NWD1: variants seen among roughly 807,000 people sequenced by gnomAD.
The protein encoded by NWD1 is NACHT and WD repeat domain containing 1, also known as NACHT domain- and WD repeat-containing protein 1.
Under a neutral mutation model 135.1 loss-of-function variants are expected in NWD1, and 129 were observed. The ratio of observed to expected loss-of-function variants is 0.96; its 90% CI spans 0.83 to 1.11. The LOEUF is 1.11. Ranked by LOEUF, NWD1 falls within the 50% of genes least tolerant of loss-of-function variation. The pLI, the probability that NWD1 is intolerant of heterozygous loss-of-function variation, is 0.00. For missense variants in NWD1, 1,740 were observed against 1,851.3 expected, an observed-to-expected ratio of 0.94 and a Z score of 1.10; for synonymous variants, 773 against 786.0, an observed-to-expected ratio of 0.98 and a Z score of 0.28.
intron 6 of NWD1, among the ~76,000 whole-genome samples, chr19:16,753,833 C>A (rs965188664): frequency 2.4e-5 from 3 of 125,502 alleles, no homozygotes. Flanking sequence ...TCTCTATCAT[C>A]CATCCATCCA....
At chr19:16,746,784 G>A (rs2122785881) in intron 5 of NWD1, among the ~76,000 whole-genome samples, 1 of 152,072 alleles carries the variant, frequency 6.6e-6, no homozygotes, top group East Asian at 1.9e-4. Flanking sequence ...AAAAGAAAAT[G>A]TTATTACAAA....
At chr19:16,725,718 T>C (rs1967302550) in intron 2 of NWD1, among the ~76,000 whole-genome samples, 1 of 150,706 alleles carries the variant, frequency 6.6e-6, no homozygotes, top group South Asian at 2.1e-4. Context: ...ATGCCTGGCT[T>C]ATTTCTGTAT....
intron 3 of NWD1, among the ~76,000 whole-genome samples, chr19:16,735,800 AG>A (rs1967773334): frequency 2.8e-5 from 1 of 36,096 alleles, no homozygotes; most frequent in Non-Finnish European, 5.9e-5. Context: ...ACTGGAAGGA[AG>A]GAAGGAAGGA....
At chr19:16,809,981 C>T (rs1970873963) in intron 18 of NWD1, among the ~76,000 whole-genome samples, 1 of 152,132 alleles carries the variant, frequency 6.6e-6, no homozygotes, top group Admixed American at 6.6e-5. Flanking sequence ...AGACTCTATC[C>T]CATGTCTTGG....
intron 18 of NWD1, among the ~76,000 whole-genome samples, chr19:16,809,112 T>C (rs1226859207): frequency 6.6e-6 from 1 of 151,838 alleles, no homozygotes; most frequent in Non-Finnish European, 1.5e-5. Flanking sequence ...TTTTTTGAGA[T>C]GGAGTCTTGC....
Position 16,788,588 on chromosome 19 carries a change from G to A in NWD1, c.2732-394G>A, listed in dbSNP as rs113371648. 3.6e-3 allele frequency among the ~76,000 whole-genome samples: 544 copies of A among 151,180 alleles called. 4 individuals carry two copies. The highest frequency in any genetic ancestry group is 0.012 in the African/African-American group (507 of 41,254). On this transcript the variant is annotated intron_variant, in intron 12 of 18. Transcript: ENST00000524140. ...TCAAAAAAAAAAAAAAAAAAAGAGG[G>A]TTACATAATTGTTTTGAAATAATTA...
Position 16,816,712 on chromosome 19 carries a change from T to TC in NWD1, c.*1677dup, listed in dbSNP as rs1265244697. Reference sequence around the variant, plus strand: ...AAATCTTCAAGGTGGCTATCCCTTCTCCCCTCCGTGGAATTCCTGATAGAG... The same window carrying TC: ...AAATCTTCAAGGTGGCTATCCCTTCTCCCCCTCCGTGGAATTCCTGATAGAG... On this transcript the variant is annotated 3_prime_UTR_variant, in exon 19 of 19. Transcript: ENST00000524140. 2.6e-5 allele frequency: 4 copies of TC among 152,136 alleles called. No individual in the cohort carries two copies. The highest frequency in any genetic ancestry group is 4.4e-5 in the Non-Finnish European group (3 of 68,020). The allele number at this position is 152,136 out of a possible 1,614,324, so 9.4% of individuals were successfully genotyped here.
At chr19:16,740,793 G>A (rs1359392119) in intron 4 of NWD1, among the ~76,000 whole-genome samples, 1 of 152,020 alleles carries the variant, frequency 6.6e-6, no homozygotes, top group South Asian at 2.1e-4. Context: ...TTTGGATTCC[G>A]GTTTGCACCT....
At chr19:16,736,242 T>TTCC (rs1967813473) in intron 3 of NWD1, among the ~76,000 whole-genome samples, 1 of 151,228 alleles carries the variant, frequency 6.6e-6, no homozygotes, top group Non-Finnish European at 1.5e-5. Context: ...CCTCTCTCTC[T>TTCC]TTCTTTTGAC....
intron 18 of NWD1, among the ~76,000 whole-genome samples, chr19:16,810,520 C>A (rs974342236): frequency 2.0e-5 from 3 of 151,482 alleles, no homozygotes; most frequent in Admixed American, 1.3e-4. Context: ...GTAATCCCAG[C>A]ACTTTGGGAG....
intron 12 of NWD1, among the ~76,000 whole-genome samples, chr19:16,786,798 C>A (rs944549409): frequency 1.3e-5 from 2 of 151,990 alleles, no homozygotes; most frequent in Admixed American, 6.6e-5. Context: ...GCGATCTGCC[C>A]GCCTCAGCCT....
At chr19:16,778,059 A>G (rs934058486) in intron 11 of NWD1, among the ~76,000 whole-genome samples, 3 of 151,898 alleles carry the variant, frequency 2.0e-5, no homozygotes, top group Non-Finnish European at 4.4e-5. Flanking sequence ...AAGAAAGGAA[A>G]AGAAAACAAA....
chr19:16,796,174 G>C lies in NWD1; in HGVS notation c.3305-1558G>C, dbSNP rs141346114. Among the ~76,000 whole-genome samples the C allele has an allele frequency of 2.5e-3, 379 of 152,252 alleles. 3 individuals carry two copies. The highest frequency in any genetic ancestry group is 8.3e-3 in the African/African-American group (345 of 41,568). On this transcript the variant is annotated intron_variant, in intron 15 of 18. Transcript: ENST00000524140. The stretch of plus-strand genomic sequence containing the variant: ...AAAAGCATTATTCAGGCCAGGTGCA[G>C]TGGCTCACGCCTGTAATTCCAGCAC...
At chr19:16,720,853 G>A (rs1356209661) in intron 1 of NWD1, among the ~76,000 whole-genome samples, 10 of 151,628 alleles carry the variant, frequency 6.6e-5, no homozygotes, top group Non-Finnish European at 1.5e-4. Flanking sequence ...GCACCTGGCC[G>A]AGACTTTTTC....
intron 4 of NWD1, chr19:16,738,375 C>A: frequency 3.4e-6 from 1 of 290,288 alleles, no homozygotes; most frequent in Non-Finnish European, 7.3e-6. Context: ...TTGAGAGCAG[C>A]CTGGGCAACA....
Position 16,815,464 on chromosome 19 carries a change from T to C in NWD1, c.*425T>C. On this transcript the variant is annotated 3_prime_UTR_variant, in exon 19 of 19. Coordinates refer to ENST00000524140, the MANE Select transcript of NWD1 (RefSeq NM_001007525.5). ...TGGCTTCAGATTATGGCTTCAGACCTTGTCTCTTCTCATCTTTCCATTATT... is the reference window on the plus strand; with the variant it reads ...TGGCTTCAGATTATGGCTTCAGACCCTGTCTCTTCTCATCTTTCCATTATT... 1 of 590,822 alleles carries C rather than the reference T, an allele frequency of 1.7e-6. No homozygotes were observed. Among genetic ancestry groups the C allele is most frequent in the South Asian group, 2.2e-5 (1 of 46,444 alleles). 36.6% of individuals were successfully genotyped at this position (590,822 alleles called of 1,614,324 possible). A position where few individuals can be genotyped will look rare whatever the true frequency, so the allele number is the denominator to read the frequency against.
At chr19:16,720,549 A>G (rs755542219) in intron 1 of NWD1, among the ~76,000 whole-genome samples, 5 of 152,026 alleles carry the variant, frequency 3.3e-5, no homozygotes, top group Admixed American at 2.6e-4. Context: ...GGACATTGCA[A>G]TGTCTAGGGA....
At chr19:16,781,238 C>A (rs1048877925) in intron 12 of NWD1, among the ~76,000 whole-genome samples, 1 of 152,080 alleles carries the variant, frequency 6.6e-6, no homozygotes, top group Admixed American at 6.6e-5. Context: ...TCTCAAGGGT[C>A]CTCCCTTTGG....
At chr19:16,726,881 C>T (rs902849349) in intron 2 of NWD1, among the ~76,000 whole-genome samples, 22 of 152,276 alleles carry the variant, frequency 1.4e-4, no homozygotes, top group African/African-American at 5.1e-4. Context: ...CCAGTCGTGG[C>T]AACTGGAAAG....
Sources: allele counts gnomAD v4.1 joint callset (sites outside exome capture counted in the v4.1 genomes callset), GRCh38; gene constraint gnomAD v4.1.1; transcripts MANE v1.5; gene names NCBI Gene and HGNC (gene_info 2026-07-23, HGNC 2026-07-21).